RREB1: variants seen among roughly 807,000 people sequenced by gnomAD.
RREB1 encodes ras responsive element binding protein 1.
Under a neutral mutation model 117.8 loss-of-function variants are expected in RREB1, and 27 were observed. The ratio of observed to expected loss-of-function variants is 0.23; its 90% CI spans 0.17 to 0.32. The LOEUF is 0.32. RREB1 is among the 10% of genes least tolerant of loss of function. RREB1 has a pLI of 1.00. For missense variants in RREB1, 2,577 were observed against 2,378.2 expected (o/e 1.08, Z -1.74); for synonymous variants, 1,298 against 1,026.7 (o/e 1.26, Z -5.05).
At chr6:7,152,464 CT>C (rs1763168015) in intron 1 of RREB1, among the ~76,000 whole-genome samples, 1 of 152,212 alleles carries the variant, frequency 6.6e-6, no homozygotes, top group Non-Finnish European at 1.5e-5. Context: ...TGCTGAATAG[CT>C]ATGAAACATA....
chr6:7,174,315 A>T (rs1464012379), intron 1 of RREB1, among the ~76,000 whole-genome samples: 2 of 152,254 alleles, frequency 1.3e-5, no homozygotes, highest in African/African-American at 4.8e-5. Context: ...TTTATATTGC[A>T]AGACATTCTC....
At chr6:7,185,865 C>A (rs1765055100) in intron 4 of RREB1, among the ~76,000 whole-genome samples, 2 of 152,198 alleles carry the variant, frequency 1.3e-5, no homozygotes, top group South Asian at 4.1e-4. Flanking sequence ...GGTTTTAATG[C>A]TGTGCCTACC....
At chr6:7,118,429 G>T (rs1377485149) in intron 1 of RREB1, among the ~76,000 whole-genome samples, 1 of 152,030 alleles carries the variant, frequency 6.6e-6, no homozygotes, top group South Asian at 2.1e-4. Flanking sequence ...CCAGAAAATA[G>T]GTTATTTTAA....
intron 10 of RREB1, among the ~76,000 whole-genome samples, chr6:7,239,842 G>A (rs115593079): frequency 8.5e-5 from 13 of 152,334 alleles, no homozygotes; most frequent in Admixed American, 2.0e-4. Flanking sequence ...AGGATGTCTC[G>A]GCAAGTCAGA....
chr6:7,142,905 C>A (rs1241140484), intron 1 of RREB1, among the ~76,000 whole-genome samples: 1 of 152,194 alleles, frequency 6.6e-6, no homozygotes, highest in African/African-American at 2.4e-5. Context: ...GCTGGGACCC[C>A]TCTCCAGGAG....
chr6:7,134,615 G>A (rs1243489193), intron 1 of RREB1, among the ~76,000 whole-genome samples: 1 of 152,122 alleles, frequency 6.6e-6, no homozygotes, highest in Non-Finnish European at 1.5e-5. Flanking sequence ...ACATTTTAGT[G>A]GCACTTATCT....
At chr6:7,133,289 C>T (rs1349892153) in intron 1 of RREB1, among the ~76,000 whole-genome samples, 1 of 152,168 alleles carries the variant, frequency 6.6e-6, no homozygotes, top group Non-Finnish European at 1.5e-5. Flanking sequence ...AATCCAGGTG[C>T]CTGGACGGGC....
rs961702004 is a variant in RREB1 at position 7,246,434 on chromosome 6, G to A, written c.3984G>A (p.Ser1328=). ...VGSHDSTDSQ[S]DAETAAAAGE... is the part of the protein sequence containing the mutation. Reference sequence around the variant, plus strand: ...GTGCTTGCCCCACAGACAGTCAGTCGGATGCGGAGACTGCAGCCGCCGCGG... The same window carrying A: ...GTGCTTGCCCCACAGACAGTCAGTCAGATGCGGAGACTGCAGCCGCCGCGG... The change falls in exon 12 of 13, where the codon TCG becomes TCA. Residue 1328 remains serine, a synonymous_variant. Transcript: ENST00000379938. 13 of 1,488,134 alleles carry A rather than the reference G, an allele frequency of 8.7e-6. No homozygotes were observed. The highest frequency in any genetic ancestry group is 1.3e-5 in the South Asian group (1 of 76,002). The allele number at this position is 1,488,134 out of a possible 1,614,324, so 92.2% of individuals were successfully genotyped here. A position where few individuals can be genotyped will look rare whatever the true frequency, so the allele number is the denominator to read the frequency against.
chr6:7,216,380 G>A (rs1358737559), intron 8 of RREB1: 1 of 152,146 alleles, frequency 6.6e-6, no homozygotes, highest in Admixed American at 6.5e-5. Context: ...ACCGGGTCTG[G>A]TACTTCATTG....
intron 1 of RREB1, among the ~76,000 whole-genome samples, chr6:7,150,589 C>T (rs1763072919): frequency 6.6e-6 from 1 of 152,158 alleles, no homozygotes; most frequent in Non-Finnish European, 1.5e-5. Context: ...AGGGAAATGC[C>T]ACTAATTTCT....
chr6:7,129,955 G>A (rs960878170), intron 1 of RREB1, among the ~76,000 whole-genome samples: 1 of 152,198 alleles, frequency 6.6e-6, no homozygotes, highest in African/African-American at 2.4e-5. Context: ...AGTCTGTTGA[G>A]TGGAGCTACG....
At chr6:7,155,815 C>T (rs1763337574) in intron 1 of RREB1, among the ~76,000 whole-genome samples, 1 of 152,196 alleles carries the variant, frequency 6.6e-6, no homozygotes, top group South Asian at 2.1e-4. Context: ...CATTTTCTTT[C>T]TTCCAGGTGG....
chr6:7,238,582 A>G (rs950347974), intron 10 of RREB1, among the ~76,000 whole-genome samples: 1 of 152,186 alleles, frequency 6.6e-6, no homozygotes, highest in African/African-American at 2.4e-5. Context: ...GACATACTGT[A>G]CAACTAGTCA....
In RREB1 at chr6:7,230,629, C is replaced by G. The variant is rs561479502; in HGVS notation, c.2530C>G (p.Arg844Gly). 3 of 1,604,070 alleles carry G rather than the reference C, an allele frequency of 1.9e-6. No homozygotes were observed. The South Asian group carries it at 3.3e-5, about 18-fold the overall frequency. ...GGCGCCGGCCGCTGAGGCGTCGGGG[C>G]GCGGGGAGGACAGTGGCTGCGCTGC... ...AEAPAAEASG[R>G]GEDSGCAALG... Residue 844 changes from arginine to glycine, a missense_variant, in exon 10 of 13, where the codon CGC (arginine) becomes GGC (glycine). Arg to Gly is a moderately radical substitution (Grantham distance 125). Coordinates refer to ENST00000379938, the MANE Select transcript of RREB1 (RefSeq NM_001003699.4).
intron 6 of RREB1, among the ~76,000 whole-genome samples, chr6:7,202,932 T>G (rs1766067218): frequency 6.6e-6 from 1 of 152,186 alleles, no homozygotes. Flanking sequence ...ATGTCTGACT[T>G]TGTATGGACA....
intron 1 of RREB1, among the ~76,000 whole-genome samples, chr6:7,122,261 T>G (rs1761713210): frequency 6.6e-6 from 1 of 152,168 alleles, no homozygotes; most frequent in Non-Finnish European, 1.5e-5. Flanking sequence ...TCTCTCTCAT[T>G]TTTTTTCTTT....
At position 7,231,075 on chromosome 6, in the gene RREB1, C is replaced by T; in HGVS notation, c.2976C>T (p.Pro992=). Residue 992 remains proline, a synonymous_variant, in exon 10 of 13, where the codon CCC becomes CCT. Transcript: ENST00000379938. ...TLGPSGILES[P]MAPAPAATPE... ...GGCCCAGCGGAATCCTGGAAAGCCC[C>T]ATGGCCCCTGCTCCGGCGGCCACCC... is the stretch of plus-strand genomic sequence containing the variant. The T allele has an allele frequency of 1.9e-6, 3 of 1,613,554 alleles. No individual in the cohort carries two copies. Among genetic ancestry groups the T allele is most frequent in the Non-Finnish European group, 2.5e-6 (3 of 1,179,988 alleles).
intron 8 of RREB1, chr6:7,216,654 C>T (rs1244242102): frequency 6.6e-6 from 1 of 152,234 alleles, no homozygotes; most frequent in Non-Finnish European, 1.5e-5. Flanking sequence ...CCTCATGTAC[C>T]CGGGATTGAT....
intron 6 of RREB1, among the ~76,000 whole-genome samples, chr6:7,197,774 A>G (rs952286528): frequency 6.6e-5 from 10 of 152,196 alleles, no homozygotes; most frequent in African/African-American, 2.4e-4. Flanking sequence ...GTTGCCAAGT[A>G]TGGGAGACAT....
Sources: gnomAD v4.1 joint callset for allele counts (sites outside exome capture counted in the v4.1 genomes callset) on GRCh38, gnomAD v4.1.1 for gene constraint, MANE v1.5 for transcripts, NCBI Gene and HGNC (gene_info 2026-07-23, HGNC 2026-07-21) for gene names.